NR3C2: variants seen among roughly 807,000 people sequenced by gnomAD.
NR3C2 encodes mineralocorticoid receptor.
A neutral mutation model predicts 86.4 loss-of-function variants in NR3C2; 15 were observed. The observed-to-expected ratio is 0.17, with a 90% CI of 0.12 to 0.27. The LOEUF (loss-of-function observed/expected upper bound fraction) is 0.27, where lower values mean the gene tolerates loss of function less well. Among genes scored for constraint, NR3C2 ranks in the 10% least tolerant of loss-of-function variants. NR3C2 has a pLI of 1.00. For synonymous variants in NR3C2, 458 were observed against 450.5 expected (o/e 1.02, Z -0.21); for missense variants, 960 against 1,195.6 (o/e 0.80, Z 2.91).
chr4:148,182,967 C>T (rs1340010671), intron 4 of NR3C2, among the ~76,000 whole-genome samples: 4 of 152,186 alleles, frequency 2.6e-5, no homozygotes, highest in African/African-American at 9.7e-5. Context: ...TATACCTCCC[C>T]CTCTGCCCCC....
At chr4:148,135,942 A>T (rs1161474943) in intron 6 of NR3C2, among the ~76,000 whole-genome samples, 5 of 125,290 alleles carry the variant, frequency 4.0e-5, no homozygotes, top group Non-Finnish European at 5.4e-5. Context: ...CTGTAGTCCC[A>T]GCTACTTGGG....
chr4:148,124,402 A>G (rs1165020285), intron 6 of NR3C2, among the ~76,000 whole-genome samples: 1 of 152,204 alleles, frequency 6.6e-6, no homozygotes, highest in East Asian at 1.9e-4. Context: ...TGCAGATAGT[A>G]TTCAACTATA....
At chr4:148,361,625 C>T (rs1745842621) in intron 2 of NR3C2, among the ~76,000 whole-genome samples, 1 of 152,210 alleles carries the variant, frequency 6.6e-6, no homozygotes, top group Non-Finnish European at 1.5e-5. Context: ...TTAAATCTCT[C>T]TGGTCCACCA....
chr4:148,090,837 T>G (rs1731027354), intron 8 of NR3C2, among the ~76,000 whole-genome samples: 3 of 152,194 alleles, frequency 2.0e-5, no homozygotes, highest in Non-Finnish European at 2.9e-5. Flanking sequence ...TCATCCCCAG[T>G]CATGAGGGCT....
rs1308570419 is a variant in NR3C2, at chr4:148,436,417, G to T, written c.444C>A (p.Gly148=). Residue 148 remains glycine, a synonymous_variant, in exon 2 of 9, where the codon GGC becomes GGA. Transcript: ENST00000358102. The part of the protein sequence containing the change: ...EQLVKFYKGN[G]HRPSTLSCVN... ...CACAACTTAGAGTGGAAGGACGATG[G>T]CCATTTCCTTTGTAAAATTTCACCA... 2 of 1,614,150 alleles carry T rather than the reference G, an allele frequency of 1.2e-6. No homozygotes were observed. The highest frequency in any genetic ancestry group is 2.2e-5 in the East Asian group (1 of 44,882).
chr4:148,144,116 T>A lies in NR3C2; in HGVS notation c.2510+8353A>T, dbSNP rs536328672. 2.0e-5 allele frequency among the ~76,000 whole-genome samples: 3 copies of A among 152,180 alleles called. No homozygotes were observed. In the South Asian group the frequency reaches 6.2e-4, roughly 32 times the overall value. On this transcript the variant is annotated intron_variant, in intron 6 of 8. Coordinates refer to ENST00000358102, the MANE Select transcript of NR3C2 (RefSeq NM_000901.5). The stretch of plus-strand genomic sequence containing the variant: ...TCTCGGAACTTCTCTCATTATGATG[T>A]AACTCAGAAGCACCAATGCAGCAGG...
At chr4:148,437,369 A>T (rs12643841) in intron 1 of NR3C2, among the ~76,000 whole-genome samples, 1 of 152,242 alleles carries the variant, frequency 6.6e-6, no homozygotes, top group African/African-American at 2.4e-5. Flanking sequence ...CTTGTTAAAA[A>T]CAATATGGAA....
At chr4:148,093,296 C>T (rs150171540) in intron 8 of NR3C2, among the ~76,000 whole-genome samples, 342 of 152,344 alleles carry the variant, frequency 2.2e-3, no homozygotes, top group African/African-American at 7.7e-3. Flanking sequence ...CCACTCCCCG[C>T]TCTCCCTGCT....
At chr4:148,107,398 G>A (rs989802703) in intron 8 of NR3C2, among the ~76,000 whole-genome samples, 2 of 152,112 alleles carry the variant, frequency 1.3e-5, no homozygotes, top group Admixed American at 6.5e-5. Context: ...ACTGTTGGTG[G>A]GAATGTAATT....
chr4:148,321,399 T>G (rs1743578840), intron 2 of NR3C2, among the ~76,000 whole-genome samples: 2 of 151,534 alleles, frequency 1.3e-5, no homozygotes, highest in South Asian at 4.2e-4. Context: ...TAGGTCCGCT[T>G]GGTGCAGAGC....
chr4:148,233,438 C>A (rs1446837680), intron 3 of NR3C2, among the ~76,000 whole-genome samples: 1 of 149,184 alleles, frequency 6.7e-6, no homozygotes, highest in Non-Finnish European at 1.5e-5. Context: ...CAGTTCACTG[C>A]AGCCTCAACT....
rs1035880269 is a variant in NR3C2 at position 148,140,303 on chromosome 4, A to C, written c.2510+12166T>G. ...AGAACTGCCTGAGCTCAGGAGTTCA[A>C]TGTTACGATGAGCTATGATCACGCC... On this transcript the variant is annotated intron_variant, in intron 6 of 8. Coordinates refer to ENST00000358102, the MANE Select transcript of NR3C2 (RefSeq NM_000901.5). 2.6e-5 allele frequency among the ~76,000 whole-genome samples: 4 copies of C among 152,236 alleles called. No homozygotes were observed. In the East Asian group the frequency reaches 7.7e-4, roughly 29 times the overall value.
chr4:148,087,714 C>G (rs1730879701), intron 8 of NR3C2, among the ~76,000 whole-genome samples: 1 of 152,128 alleles, frequency 6.6e-6, no homozygotes, highest in Admixed American at 6.5e-5. Context: ...AAAATCAACT[C>G]AAGATGGATT....
chr4:148,324,790 C>A (rs920108444), intron 2 of NR3C2, among the ~76,000 whole-genome samples: 1 of 152,052 alleles, frequency 6.6e-6, no homozygotes, highest in African/African-American at 2.4e-5. Flanking sequence ...TAAATATGTA[C>A]AATTTTTATC....
chr4:148,323,446 G>A (rs1182191194), intron 2 of NR3C2, among the ~76,000 whole-genome samples: 1 of 143,270 alleles, frequency 7.0e-6, no homozygotes, highest in African/African-American at 2.8e-5. Flanking sequence ...ACCTAATCAA[G>A]CCTGTGCAAT....
intron 2 of NR3C2, among the ~76,000 whole-genome samples, chr4:148,328,472 T>A (rs532854735): frequency 4.3e-4 from 65 of 152,166 alleles, no homozygotes; most frequent in Non-Finnish European, 7.3e-4. Flanking sequence ...GATCCTAGCA[T>A]CTTCCTTGGT....
intron 3 of NR3C2, among the ~76,000 whole-genome samples, chr4:148,227,411 C>T (rs1338636744): frequency 6.6e-6 from 1 of 152,148 alleles, no homozygotes; most frequent in Non-Finnish European, 1.5e-5. Context: ...ACTTTGATTA[C>T]TTGGCTAAGG....
chr4:148,240,429 C>G (rs1469184025), intron 3 of NR3C2, among the ~76,000 whole-genome samples: 1 of 151,944 alleles, frequency 6.6e-6, no homozygotes, highest in African/African-American at 2.4e-5. Flanking sequence ...AGTATTTTAA[C>G]CAGACATTCC....
Position 148,198,121 on chromosome 4 carries a change from A to G in NR3C2, c.1898-3259T>C, listed in dbSNP as rs80075700. On this transcript the variant is annotated intron_variant, in intron 3 of 8. Transcript: ENST00000358102. ...CTTATAGGAAGACCAGATGAACTAA[A>G]TTAAAGGGAAAATAAAAGCAAAAAT... Among the ~76,000 whole-genome samples, 5 of 152,286 alleles carry G rather than the reference A, an allele frequency of 3.3e-5. No individual in the cohort carries two copies. The East Asian group carries it at 9.7e-4, about 29-fold the overall frequency.
Sources: allele counts gnomAD v4.1 joint callset (sites outside exome capture counted in the v4.1 genomes callset), GRCh38; gene constraint gnomAD v4.1.1; transcripts MANE v1.5; gene names NCBI Gene and HGNC (gene_info 2026-07-23, HGNC 2026-07-21).